NEK11: variants seen among roughly 807,000 people sequenced by gnomAD.
NEK11 encodes serine/threonine-protein kinase Nek11.
In NEK11, 72 loss-of-function variants were observed where a neutral mutation model predicts 80.7. That is an observed-to-expected ratio of 0.89 (90% CI 0.74 to 1.08). The LOEUF is 1.08. Among genes scored for constraint, NEK11 ranks in the 50% least tolerant of loss-of-function variants. The probability of loss-of-function intolerance (pLI) is 0.00; values close to 1 mark genes in which losing one functional copy is unlikely to be tolerated. For synonymous variants in NEK11, 251 were observed against 260.7 expected, an observed-to-expected ratio of 0.96 and a Z score of 0.36; for missense variants, 764 against 763.6, an observed-to-expected ratio of 1.00 and a Z score of -0.01.
intron 17 of NEK11, among the ~76,000 whole-genome samples, chr3:131,300,991 TG>T (rs1344565318): frequency 6.6e-6 from 1 of 152,244 alleles, no homozygotes; most frequent in African/African-American, 2.4e-5. Flanking sequence ...TTAACAATAT[TG>T]GTTCTTCCTA....
intron 14 of NEK11, among the ~76,000 whole-genome samples, chr3:131,182,495 C>T (rs2093411341): frequency 6.6e-6 from 1 of 152,148 alleles, no homozygotes; most frequent in Admixed American, 6.5e-5. Flanking sequence ...AAACCCATCT[C>T]ATTGTTCTGT....
intron 12 of NEK11, 46 bp from the exon 13 acceptor site, chr3:131,168,782 AAG>A: frequency 7.1e-7 from 1 of 1,416,614 alleles, no homozygotes. Flanking sequence ...TAGATGAAGA[AAG>A]ACTTGGAAAA....
intron 17 of NEK11, among the ~76,000 whole-genome samples, chr3:131,338,340 G>A (rs757540135): frequency 6.9e-6 from 1 of 144,438 alleles, no homozygotes; most frequent in South Asian, 2.2e-4. Context: ...GTCATACACT[G>A]CTGGTGGGAA....
At chr3:131,172,182 G>A (rs900391748) in intron 14 of NEK11, among the ~76,000 whole-genome samples, 1 of 152,182 alleles carries the variant, frequency 6.6e-6, no homozygotes, top group East Asian at 1.9e-4. Context: ...CCATCGGGAG[G>A]CATCATAGCC....
intron 14 of NEK11, among the ~76,000 whole-genome samples, chr3:131,225,213 A>G (rs529004213): frequency 6.6e-6 from 1 of 152,346 alleles, no homozygotes; most frequent in Non-Finnish European, 1.5e-5. Context: ...GTTAAGATAC[A>G]CAAGTACTTA....
chr3:131,107,656 C>T (rs989063349), intron 4 of NEK11, among the ~76,000 whole-genome samples: 6 of 151,584 alleles, frequency 4.0e-5, no homozygotes, highest in African/African-American at 1.5e-4. Context: ...TTCATATATG[C>T]AGATTTCCAT....
At chr3:131,060,226 G>T (rs1206124326) in intron 3 of NEK11, among the ~76,000 whole-genome samples, 1 of 152,176 alleles carries the variant, frequency 6.6e-6, no homozygotes, top group Non-Finnish European at 1.5e-5. Flanking sequence ...GGCTCTAAGG[G>T]TCTAAAAACA....
At chr3:131,271,106 A>G (rs951667226) in intron 16 of NEK11, among the ~76,000 whole-genome samples, 5 of 152,204 alleles carry the variant, frequency 3.3e-5, no homozygotes, top group African/African-American at 1.2e-4. Context: ...TGGAGCTGAC[A>G]GAAAGCTGCT....
At chr3:131,189,470 C>T (rs978561365) in intron 14 of NEK11, among the ~76,000 whole-genome samples, 1 of 152,186 alleles carries the variant, frequency 6.6e-6, no homozygotes, top group Non-Finnish European at 1.5e-5. Flanking sequence ...GATGACTTCT[C>T]ACTGCATCTT....
At chr3:131,326,141 A>T (rs2096963146) in intron 17 of NEK11, 1 of 152,214 alleles carries the variant, frequency 6.6e-6, no homozygotes, top group African/African-American at 2.4e-5. Context: ...TTGGCTCTAA[A>T]TTTTGGGGAA....
At chr3:131,265,238 C>T (rs1472145823) in intron 16 of NEK11, among the ~76,000 whole-genome samples, 6 of 152,180 alleles carry the variant, frequency 3.9e-5, no homozygotes, top group Non-Finnish European at 8.8e-5. Flanking sequence ...CTGGCCAGTA[C>T]TTCCAATACT....
intron 15 of NEK11, among the ~76,000 whole-genome samples, chr3:131,234,264 G>A (rs1271508998): frequency 6.6e-6 from 1 of 152,184 alleles, no homozygotes. Context: ...CTCCTACTAT[G>A]TCCTTTTCTT....
chr3:131,185,082 A>G (rs1199647272), intron 14 of NEK11, among the ~76,000 whole-genome samples: 1 of 152,144 alleles, frequency 6.6e-6, no homozygotes, highest in Non-Finnish European at 1.5e-5. Flanking sequence ...TGTTTGTATC[A>G]GTTAGTCTCC....
chr3:131,118,268 G>A (rs184662675), intron 5 of NEK11, among the ~76,000 whole-genome samples: 1 of 152,214 alleles, frequency 6.6e-6, no homozygotes, highest in African/African-American at 2.4e-5. Flanking sequence ...TTATATGATG[G>A]ATTACGTTTA....
chr3:131,286,776 C>T (rs1160802690), intron 17 of NEK11, among the ~76,000 whole-genome samples: 4 of 152,034 alleles, frequency 2.6e-5, no homozygotes, highest in Non-Finnish European at 4.4e-5. Context: ...AGAAAGGAGG[C>T]AAGTTTACTC....
intron 14 of NEK11, among the ~76,000 whole-genome samples, chr3:131,216,630 C>A (rs532516473): frequency 2.8e-4 from 42 of 150,310 alleles, no homozygotes; most frequent in Admixed American, 5.3e-4. Flanking sequence ...TCTGCAGCAG[C>A]CTGTGTAAGA....
intron 3 of NEK11, among the ~76,000 whole-genome samples, chr3:131,034,985 C>T (rs1228391430): frequency 6.6e-6 from 1 of 152,144 alleles, no homozygotes; most frequent in East Asian, 1.9e-4. Context: ...ATATTTTACC[C>T]CTTAACTGTG....
chr3:131,029,978 G>T (rs918441973), intron 3 of NEK11, 100 bp downstream of exon 3: 26 of 1,118,406 alleles, frequency 2.3e-5, no homozygotes, highest in Non-Finnish European at 3.0e-5. Context: ...GGTGGCTCAT[G>T]CCTGTAATCC....
At chr3:131,296,342 TTAG>T (rs757112739) in intron 17 of NEK11, among the ~76,000 whole-genome samples, 1 of 152,148 alleles carries the variant, frequency 6.6e-6, no homozygotes, top group East Asian at 1.9e-4. Flanking sequence ...ACTATTATTA[TTAG>T]AACAGGTTGT....
Sources: allele counts gnomAD v4.1 joint callset (sites outside exome capture counted in the v4.1 genomes callset), GRCh38; gene constraint gnomAD v4.1.1; transcripts MANE v1.5; gene names NCBI Gene and HGNC (gene_info 2026-07-23, HGNC 2026-07-21).